Variants in RAD51B observed in about 807,000 individuals in gnomAD.
RAD51B encodes the protein RAD51 paralog B.
A neutral mutation model predicts 42.2 loss-of-function variants in RAD51B; 38 were observed. The observed-to-expected ratio is 0.90, with a 90% CI of 0.70 to 1.18. The LOEUF (loss-of-function observed/expected upper bound fraction) is 1.18. Among genes scored for constraint, RAD51B ranks in the 50% most tolerant of loss-of-function variants. The probability of loss-of-function intolerance (pLI) is 0.00; values close to 1 mark genes in which losing one functional copy is unlikely to be tolerated. For missense variants in RAD51B, 373 were observed against 400.7 expected (o/e 0.93, Z 0.59); for synonymous variants, 154 against 145.2 (o/e 1.06, Z -0.43).
chr14:68,140,679 T>G (rs1343128515), intron 7 of RAD51B, among the ~76,000 whole-genome samples: 2 of 152,246 alleles, frequency 1.3e-5, no homozygotes, highest in African/African-American at 2.4e-5. Flanking sequence ...TTACAGCATT[T>G]CTTTTGCAGT....
At chr14:68,335,858 C>T (rs1412854525) in intron 8 of RAD51B, among the ~76,000 whole-genome samples, 1 of 152,016 alleles carries the variant, frequency 6.6e-6, no homozygotes, top group Non-Finnish European at 1.5e-5. Flanking sequence ...TGGAAATAGC[C>T]ATTAGGTTAG....
chr14:68,398,803 C>G (rs1304944922), intron 8 of RAD51B, among the ~76,000 whole-genome samples: 1 of 152,200 alleles, frequency 6.6e-6, no homozygotes, highest in Non-Finnish European at 1.5e-5. Context: ...TGGAGATTTT[C>G]TAATACAAAT....
At chr14:67,911,344 A>G (rs780987502) in intron 7 of RAD51B, among the ~76,000 whole-genome samples, 2 of 152,234 alleles carry the variant, frequency 1.3e-5, no homozygotes, top group Non-Finnish European at 2.9e-5. Context: ...TTGAATCAAA[A>G]TCCATTTTAA....
chr14:68,668,947 A>G (rs182596741), intron 11 of RAD51B, among the ~76,000 whole-genome samples: 276 of 152,382 alleles, frequency 1.8e-3, no homozygotes, highest in Middle Eastern at 0.014. Flanking sequence ...CTTTGAGCTC[A>G]TTAAGGAAAG....
intron 7 of RAD51B, among the ~76,000 whole-genome samples, chr14:67,981,534 A>G (rs1488608392): frequency 6.6e-6 from 1 of 152,258 alleles, no homozygotes; most frequent in East Asian, 1.9e-4. Context: ...CTTATTTATA[A>G]TAGCCAAAAA....
chr14:68,207,583 T>G (rs1274649), intron 7 of RAD51B, among the ~76,000 whole-genome samples: 26,112 of 152,170 alleles, frequency 0.17, 2,391 homozygotes, highest in Middle Eastern at 0.36. Flanking sequence ...GCAGAGGATG[T>G]CTCTGCATTT....
chr14:68,652,022 A>G (rs1892711284), intron 11 of RAD51B, among the ~76,000 whole-genome samples: 1 of 152,122 alleles, frequency 6.6e-6, no homozygotes, highest in Admixed American at 6.5e-5. Flanking sequence ...AGTAAACACC[A>G]TCACTCACTC....
At chr14:68,129,367 A>G (rs1280557130) in intron 7 of RAD51B, among the ~76,000 whole-genome samples, 2 of 152,200 alleles carry the variant, frequency 1.3e-5, no homozygotes, top group African/African-American at 4.8e-5. Flanking sequence ...AGACTTACAC[A>G]TGTCACATTA....
At chr14:68,444,241 T>C (rs746984998) in intron 9 of RAD51B, among the ~76,000 whole-genome samples, 4 of 152,218 alleles carry the variant, frequency 2.6e-5, no homozygotes, top group Admixed American at 6.5e-5. Context: ...TTGACTTAAA[T>C]AAAACTTCTC....
intron 7 of RAD51B, among the ~76,000 whole-genome samples, chr14:68,024,788 A>G: frequency 6.6e-6 from 1 of 152,152 alleles, no homozygotes; most frequent in Non-Finnish European, 1.5e-5. Flanking sequence ...TTGTCAGTGA[A>G]GAGAGATAGT....
chr14:68,283,944 T>C (rs1237960375), intron 7 of RAD51B, among the ~76,000 whole-genome samples: 1 of 152,212 alleles, frequency 6.6e-6, no homozygotes, highest in Non-Finnish European at 1.5e-5. Context: ...CTGAACTCAG[T>C]GGTCAAAAGT....
chr14:67,981,802 G>A (rs1368592393), intron 7 of RAD51B, among the ~76,000 whole-genome samples: 1 of 152,102 alleles, frequency 6.6e-6, no homozygotes, highest in Non-Finnish European at 1.5e-5. Flanking sequence ...TAGAGATGGG[G>A]AATAGAGGAG....
At chr14:67,907,494 A>G (rs907756321) in intron 7 of RAD51B, among the ~76,000 whole-genome samples, 1 of 152,146 alleles carries the variant, frequency 6.6e-6, no homozygotes, top group African/African-American at 2.4e-5. Context: ...CTGAGGCCTC[A>G]GCTAGAAGAC....
intron 11 of RAD51B, among the ~76,000 whole-genome samples, chr14:68,671,687 G>T (rs1200209496): frequency 6.6e-6 from 1 of 152,058 alleles, no homozygotes; most frequent in Non-Finnish European, 1.5e-5. Flanking sequence ...TTCTGTTTCA[G>T]ATATGTTGGC....
rs1387632190 is a variant in RAD51B at position 68,005,031 on chromosome 14, C to CTGTGTGTG, written c.756+117835_756+117842dup. 1.8e-3 allele frequency among the ~76,000 whole-genome samples: 207 copies of CTGTGTGTG among 115,492 alleles called. 1 individual carries two copies. Among genetic ancestry groups the CTGTGTGTG allele is most frequent in the African/African-American group, 5.8e-3 (147 of 25,448 alleles). 75.8% of individuals were successfully genotyped at this position (115,492 alleles called of 152,430 possible). On this transcript the variant is annotated intron_variant, in intron 7 of 10. Coordinates refer to ENST00000471583, the MANE Select transcript of RAD51B (RefSeq NM_133510.4). ...TTTATGTATCCATTCTACCATTCTA[C>CTGTGTGTG]TGTGTGTGTGTGTGTTTTTTTTTTT...
intron 7 of RAD51B, among the ~76,000 whole-genome samples, chr14:68,118,781 T>TTGTGTGCATGTGTATGTG (rs1003777537): frequency 6.6e-6 from 1 of 152,068 alleles, no homozygotes; most frequent in African/African-American, 2.4e-5. Flanking sequence ...CGTGTGTGTG[T>TTGTGTGCATGTGTATGTG]TGTGTGCATG....
intron 10 of RAD51B, among the ~76,000 whole-genome samples, chr14:68,646,735 A>G (rs979676474): frequency 6.6e-6 from 1 of 152,146 alleles, no homozygotes; most frequent in African/African-American, 2.4e-5. Flanking sequence ...AACTATATGG[A>G]GTGTCTTTGG....
intron 9 of RAD51B, among the ~76,000 whole-genome samples, chr14:68,427,202 T>A (rs1374371963): frequency 6.6e-6 from 1 of 152,208 alleles, no homozygotes. Context: ...GAGAGCCCCA[T>A]CTAGGGCAAT....
intron 7 of RAD51B, among the ~76,000 whole-genome samples, chr14:67,901,489 C>T (rs897494847): frequency 6.6e-6 from 1 of 152,182 alleles, no homozygotes; most frequent in African/African-American, 2.4e-5. Context: ...TCTGCCTAAA[C>T]TGCCTCCTCT....
Sources: allele counts gnomAD v4.1 joint callset (sites outside exome capture counted in the v4.1 genomes callset), GRCh38; gene constraint gnomAD v4.1.1; transcripts MANE v1.5; gene names NCBI Gene and HGNC (gene_info 2026-07-23, HGNC 2026-07-21).